HDAC9: variants seen among roughly 807,000 people sequenced by gnomAD.
HDAC9 encodes the protein MEF-2 interacting transcription repressor (MITR) protein.
Under a neutral mutation model 139.4 loss-of-function variants are expected in HDAC9, and 41 were observed. The observed-to-expected ratio is 0.29, with a 90% CI of 0.23 to 0.38. The LOEUF (loss-of-function observed/expected upper bound fraction) is 0.38. Among genes scored for constraint, HDAC9 ranks in the 10% least tolerant of loss-of-function variants. The pLI is 1.00. For missense variants in HDAC9, 1,147 were observed against 1,297.0 expected, an observed-to-expected ratio of 0.88 and a Z score of 1.78; for synonymous variants, 517 against 476.2, an observed-to-expected ratio of 1.09 and a Z score of -1.12.
chr7:18,621,283 A>G (rs999944603), intron 6 of HDAC9, among the ~76,000 whole-genome samples: 9 of 151,808 alleles, frequency 5.9e-5, no homozygotes, highest in South Asian at 2.1e-4. Flanking sequence ...AATTTTACCT[A>G]CATAACACAA....
intron 24 of HDAC9, among the ~76,000 whole-genome samples, chr7:18,974,018 A>G (rs920910461): frequency 6.6e-6 from 1 of 152,142 alleles, no homozygotes; most frequent in Non-Finnish European, 1.5e-5. Context: ...GTGTGTATTA[A>G]TTAGCCCTTG....
chr7:18,543,821 G>C (rs1467728519), intron 2 of HDAC9: 2 of 151,040 alleles, frequency 1.3e-5, no homozygotes, highest in African/African-American at 4.9e-5. Context: ...ATATCTGAGG[G>C]ACAAGCATTC....
At chr7:18,219,795 G>A (rs1792559461) in intron 2 of HDAC9, among the ~76,000 whole-genome samples, 1 of 152,142 alleles carries the variant, frequency 6.6e-6, no homozygotes, top group Non-Finnish European at 1.5e-5. Flanking sequence ...ATAATAATTG[G>A]TTTTAAATTT....
chr7:18,136,250 G>C (rs1292515664), intron 1 of HDAC9, among the ~76,000 whole-genome samples: 2 of 150,532 alleles, frequency 1.3e-5, no homozygotes, highest in African/African-American at 4.9e-5. Flanking sequence ...CCATTTTGTA[G>C]GTTGCCTGTT....
intron 2 of HDAC9, among the ~76,000 whole-genome samples, chr7:18,273,075 T>TGC (rs1796489092): frequency 7.4e-6 from 1 of 135,254 alleles, no homozygotes; most frequent in Non-Finnish European, 1.6e-5. Context: ...TTTTTTTTTT[T>TGC]TTTTTTTTGA....
chr7:18,554,600 G>C (rs918988144), intron 2 of HDAC9, among the ~76,000 whole-genome samples: 2 of 152,174 alleles, frequency 1.3e-5, no homozygotes, highest in African/African-American at 4.8e-5. Context: ...CTCCCAAAGT[G>C]CTGGGATTAC....
chr7:18,529,201 G>A (rs1808010560), intron 2 of HDAC9, among the ~76,000 whole-genome samples: 1 of 152,006 alleles, frequency 6.6e-6, no homozygotes, highest in Non-Finnish European at 1.5e-5. Flanking sequence ...AAAATCTTTT[G>A]AAAAATGGTC....
intron 22 of HDAC9, among the ~76,000 whole-genome samples, chr7:18,903,547 C>T (rs1801924867): frequency 1.3e-5 from 2 of 152,256 alleles, no homozygotes; most frequent in South Asian, 4.1e-4. Context: ...TTCCTTAACT[C>T]TTTTTTACCA....
At chr7:18,370,431 C>T (rs1784508671) in intron 1 of HDAC9, among the ~76,000 whole-genome samples, 1 of 152,036 alleles carries the variant, frequency 6.6e-6, no homozygotes, top group South Asian at 2.1e-4. Context: ...GCTAGTGAAC[C>T]CAAACATTCT....
At chr7:18,829,364 G>T in intron 18 of HDAC9, 97 bp from the exon 19 acceptor site, 1 of 1,125,226 alleles carries the variant, frequency 8.9e-7, no homozygotes, top group Non-Finnish European at 1.4e-6. Context: ...TGGCTTCAGA[G>T]ATCATATAGC....
intron 17 of HDAC9, among the ~76,000 whole-genome samples, chr7:18,823,300 A>G (rs1795127125): frequency 1.3e-5 from 2 of 152,210 alleles, no homozygotes; most frequent in African/African-American, 2.4e-5. Context: ...GGAGATTGGA[A>G]GAACGAAAGG....
intron 2 of HDAC9, among the ~76,000 whole-genome samples, chr7:18,168,269 A>G (rs1156817064): frequency 6.6e-5 from 10 of 152,178 alleles, no homozygotes; most frequent in Non-Finnish European, 1.3e-4. Context: ...TTTGTTCTTT[A>G]TTGCATTTTG....
chr7:18,719,907 C>G (rs1785015074), intron 12 of HDAC9, among the ~76,000 whole-genome samples: 1 of 152,086 alleles, frequency 6.6e-6, no homozygotes, highest in African/African-American at 2.4e-5. Context: ...AATATTTTGC[C>G]CTGCTGAATT....
intron 1 of HDAC9, among the ~76,000 whole-genome samples, chr7:18,364,027 C>A (rs1783986912): frequency 6.6e-6 from 1 of 152,176 alleles, no homozygotes; most frequent in Non-Finnish European, 1.5e-5. Flanking sequence ...CACTCTTTTA[C>A]AATGTCTATC....
intron 12 of HDAC9, among the ~76,000 whole-genome samples, chr7:18,720,249 C>T (rs886422705): frequency 1.3e-4 from 20 of 151,754 alleles, no homozygotes; most frequent in African/African-American, 4.8e-4. Context: ...TTCTTCTGCA[C>T]CTGAACAAAC....
chr7:18,245,898 T>C (rs983119475), intron 2 of HDAC9, among the ~76,000 whole-genome samples: 2 of 151,940 alleles, frequency 1.3e-5, no homozygotes, highest in Non-Finnish European at 2.9e-5. Context: ...TCAGGCTTAA[T>C]GTTTCCAGAA....
chr7:18,481,872 T>C (rs1795577842), intron 1 of HDAC9, among the ~76,000 whole-genome samples: 1 of 152,186 alleles, frequency 6.6e-6, no homozygotes, highest in African/African-American at 2.4e-5. Context: ...GGCCACAGTA[T>C]TGCATGAAGA....
intron 17 of HDAC9, among the ~76,000 whole-genome samples, chr7:18,796,840 T>G (rs931068978): frequency 6.6e-6 from 1 of 152,220 alleles, no homozygotes; most frequent in Non-Finnish European, 1.5e-5. Flanking sequence ...TATTGAAGTT[T>G]AATATAAAGA....
At chr7:18,737,406 T>G (rs1376971021) in intron 13 of HDAC9, among the ~76,000 whole-genome samples, 4 of 152,240 alleles carry the variant, frequency 2.6e-5, no homozygotes, top group African/African-American at 7.2e-5. Flanking sequence ...CTGCTTTAAA[T>G]GTGTCCCAGA....
Sources: gnomAD v4.1 joint callset for allele counts (sites outside exome capture counted in the v4.1 genomes callset) on GRCh38, gnomAD v4.1.1 for gene constraint, MANE v1.5 for transcripts, NCBI Gene and HGNC (gene_info 2026-07-23, HGNC 2026-07-21) for gene names.